Variants in ASIC1 observed in about 807,000 individuals in gnomAD.
ASIC1 encodes acid sensing ion channel subunit 1, also known as acid-sensing ion channel 1.
Under a neutral mutation model 63.4 loss-of-function variants are expected in ASIC1, and 21 were observed. The ratio of observed to expected loss-of-function variants is 0.33; its 90% confidence interval spans 0.23 to 0.48. The LOEUF (loss-of-function observed/expected upper bound fraction) is 0.48. Ranked by LOEUF, ASIC1 falls within the 20% of genes least tolerant of loss-of-function variation. The pLI is 0.99. For synonymous variants in ASIC1, 258 were observed against 278.2 expected, an observed-to-expected ratio of 0.93 and a Z score of 0.72; for missense variants, 478 against 695.5, an observed-to-expected ratio of 0.69 and a Z score of 3.52.
rs531036177 is a variant in ASIC1 at position 50,081,223 on chromosome 12, G to C, written c.1378-37G>C. ...CCCGGCACGGGGCCACGTGGGGGCG[G>C]GGTCCAGCCCGCCCACCTGCCCCGT... On this transcript the variant is annotated intron_variant, in intron 10 of 11. Coordinates refer to ENST00000447966, the MANE Select transcript of ASIC1 (RefSeq NM_001095.4). The C allele has an allele frequency of 1.1e-5, 18 of 1,605,522 alleles. No homozygotes were observed. In the South Asian group the frequency reaches 1.8e-4, roughly 16 times the overall value.
At chr12:50,073,880 C>A in intron 3 of ASIC1, 1 of 1,533,352 alleles carries the variant, frequency 6.5e-7, no homozygotes, top group Non-Finnish European at 8.7e-7. Flanking sequence ...TTTGTCCTGG[C>A]ACTGGGTGCC....
intron 11 of ASIC1, 79 bp downstream of exon 11, chr12:50,081,443 C>CCCCCCAG: frequency 6.9e-7 from 1 of 1,453,534 alleles, no homozygotes; most frequent in Non-Finnish European, 9.4e-7. Context: ...CCCGCCCACC[C>CCCCCCAG]GCCTCTGCCA....
At chr12:50,071,904 G>A (rs985096714) in intron 3 of ASIC1, among the ~76,000 whole-genome samples, 6 of 152,216 alleles carry the variant, frequency 3.9e-5, no homozygotes, top group African/African-American at 1.4e-4. Flanking sequence ...CCAGTTGAGA[G>A]GCTGTTGTTT....
At chr12:50,060,027 G>C (rs973225553) in intron 3 of ASIC1, 73 bp downstream of exon 3, 27 of 1,542,556 alleles carry the variant, frequency 1.8e-5, no homozygotes, top group Non-Finnish European at 2.4e-5. Flanking sequence ...AGCAGGCTGG[G>C]CCTCTCCGGG....
intron 4 of ASIC1, 74 bp downstream of exon 4, chr12:50,077,437 A>C: frequency 6.3e-7 from 1 of 1,590,424 alleles, no homozygotes; most frequent in Non-Finnish European, 8.6e-7. Flanking sequence ...CCTGGGCTTC[A>C]CTGTGAGACC....
chr12:50,076,126 A>C (rs1418493629), intron 3 of ASIC1, among the ~76,000 whole-genome samples: 1 of 152,128 alleles, frequency 6.6e-6, no homozygotes, highest in Non-Finnish European at 1.5e-5. Context: ...ATAATGGGAT[A>C]ATGGAATAAT....
Position 50,057,784 on chromosome 12 carries a change from T to C in ASIC1, c.-149T>C, listed in dbSNP as rs1295628305. The C allele has an allele frequency of 6.7e-6, 1 of 149,476 alleles. No individual in the cohort carries two copies. Among genetic ancestry groups the C allele is most frequent in the Non-Finnish European group, 1.5e-5 (1 of 67,060 alleles). The allele number at this position is 149,476 out of a possible 1,614,324, so 9.3% of individuals were successfully genotyped here. On this transcript the variant is annotated 5_prime_UTR_variant, in exon 1 of 12. Transcript: ENST00000447966. This position sits in a 1 kb window ranked among gnomAD's most constrained non-coding sequence, Gnocchi z 4.7. ...GGGCGGGGCGCTCCCTGCAGGGCTC[T>C]GCGCGGCGTGCCGCGGCGGCCGCGG...
intron 4 of ASIC1, 125 bp downstream of exon 4, chr12:50,077,488 A>C: frequency 4.3e-5 from 58 of 1,344,252 alleles, no homozygotes; most frequent in Non-Finnish European, 5.2e-5. Context: ...CCAGCATCTC[A>C]CCATCTCTAT....
intron 3 of ASIC1, among the ~76,000 whole-genome samples, chr12:50,064,094 C>T (rs1950524637): frequency 6.6e-6 from 1 of 152,054 alleles, no homozygotes; most frequent in African/African-American, 2.4e-5. Context: ...GGGGAACATG[C>T]ACAGATTGCA....
chr12:50,078,610 G>A lies in ASIC1; in HGVS notation c.994+33G>A, dbSNP rs747962553. The A allele has an allele frequency of 5.0e-6, 8 of 1,612,424 alleles. No homozygotes were observed. In the South Asian group the frequency reaches 7.7e-5, roughly 15 times the overall value. On this transcript the variant is annotated intron_variant, in intron 6 of 11. Coordinates refer to ENST00000447966, the MANE Select transcript of ASIC1 (RefSeq NM_001095.4). The surrounding 1 kb of genome is among the most constrained non-coding windows in gnomAD (Gnocchi z 6.0). ...CTGGGGCTCCGAGCATACTCCTGGG[G>A]TCCCTGGGCCTTTGCTGCCCTTCAC...
Position 50,077,504 on chromosome 12 carries a change from A to T in ASIC1, c.709+141A>T, listed in dbSNP as rs566021681. 9 of 1,209,668 alleles carry T rather than the reference A, an allele frequency of 7.4e-6. No individual in the cohort carries two copies. In the South Asian group the frequency reaches 1.4e-4, roughly 19 times the overall value. The allele number at this position is 1,209,668 out of a possible 1,614,324, so 74.9% of individuals were successfully genotyped here. On this transcript the variant is annotated intron_variant, in intron 4 of 11. Transcript: ENST00000447966. ...CAGCATCTCACCATCTCTATCACTG[A>T]CTCTACCTGACTTCCACACTCACAT...
chr12:50,081,188 G>A lies in ASIC1; in HGVS notation c.1377+7G>A, dbSNP rs765241275. The A allele has an allele frequency of 3.0e-5, 49 of 1,610,252 alleles. No homozygotes were observed. The highest frequency in any genetic ancestry group is 4.1e-5 in the Non-Finnish European group (48 of 1,178,466). On this transcript the variant is annotated splice_region_variant and intron_variant, in intron 10 of 11. Coordinates refer to ENST00000447966, the MANE Select transcript of ASIC1 (RefSeq NM_001095.4). ...CTTTGACTACGCCTACGAGGTAAGC[G>A]GGGGCGAGGCCCGGCACGGGGCCAC...
intron 8 of ASIC1, 75 bp downstream of exon 8, chr12:50,080,130 C>A (rs192160323): frequency 2.4e-6 from 3 of 1,257,854 alleles, no homozygotes; most frequent in Non-Finnish European, 3.3e-6. Context: ...TTGATGGGGG[C>A]GGGGGCTGGC....
chr12:50,058,786 A>T lies in ASIC1; in HGVS notation c.20A>T (p.Glu7Val). 6.3e-7 allele frequency: 1 copy of T among 1,589,522 alleles called. No individual in the cohort carries two copies. The highest frequency in any genetic ancestry group is 1.1e-5 in the South Asian group (1 of 87,496). Residue 7 changes from glutamate to valine, a missense_variant, in exon 2 of 12, where the codon GAG becomes GTG. Around this residue, in one of 3 missense-constraint regions of ASIC1, gnomAD observed 290 missense variants for 414.9 expected, o/e 0.70. Coordinates refer to ENST00000447966, the MANE Select transcript of ASIC1 (RefSeq NM_001095.4). MELKAEEEEVGGVQPVS... is the reference protein window; with the variant it reads MELKAEVEEVGGVQPVS... Reference sequence around the variant, plus strand: ...ACAAGGATGGAACTGAAGGCCGAGGAGGAGGAGGTGGGTGGCGTCCAGCCG... The same window carrying T: ...ACAAGGATGGAACTGAAGGCCGAGGTGGAGGAGGTGGGTGGCGTCCAGCCG...
intron 3 of ASIC1, among the ~76,000 whole-genome samples, chr12:50,076,525 A>C (rs1950656670): frequency 6.6e-6 from 1 of 151,384 alleles, no homozygotes; most frequent in African/African-American, 2.4e-5. Flanking sequence ...TCCCAGAGTG[A>C]AATCTAGGAG....
intron 3 of ASIC1, among the ~76,000 whole-genome samples, chr12:50,070,211 T>C (rs551599470): frequency 1.3e-5 from 2 of 152,288 alleles, no homozygotes; most frequent in South Asian, 4.2e-4. Flanking sequence ...TGGGCACCTC[T>C]CCAGGGGCCC....
At position 50,080,169 on chromosome 12, in the gene ASIC1, G is replaced by A; in HGVS notation, c.1205+114G>A. 2.8e-6 allele frequency: 4 copies of A among 1,425,158 alleles called. 1 individual carries two copies. Among genetic ancestry groups the A allele is most frequent in the Non-Finnish European group, 3.8e-6 (4 of 1,058,604 alleles). The allele number at this position is 1,425,158 out of a possible 1,614,324, so 88.3% of individuals were successfully genotyped here. On this transcript the variant is annotated intron_variant, in intron 8 of 11. Transcript: ENST00000447966. ...CAGGGGGAACTTGAGATAACACGGGGAAGGTCCAAAAGGCAAGCAAAGAGT... is the reference window on the plus strand; with the variant it reads ...CAGGGGGAACTTGAGATAACACGGGAAAGGTCCAAAAGGCAAGCAAAGAGT...
chr12:50,078,736 C>A lies in ASIC1; in HGVS notation c.994+159C>A, dbSNP rs1950684490. ...TCTGACCTCAGTTCCCGCCTGCACC[C>A]CCAGGGATGGGTGGGAAGGGTCTAG... On this transcript the variant is annotated intron_variant, in intron 6 of 11. Coordinates refer to ENST00000447966, the MANE Select transcript of ASIC1 (RefSeq NM_001095.4). The surrounding 1 kb of genome is among the most constrained non-coding windows in gnomAD (Gnocchi z 6.0). 4.4e-6 allele frequency: 6 copies of A among 1,359,022 alleles called. No homozygotes were observed. Among genetic ancestry groups the A allele is most frequent in the Non-Finnish European group, 6.2e-6 (6 of 965,900 alleles). The allele number at this position is 1,359,022 out of a possible 1,614,324, so 84.2% of individuals were successfully genotyped here. A position where few individuals can be genotyped will look rare whatever the true frequency, so the allele number is the denominator to read the frequency against.
Position 50,081,954 on chromosome 12 carries a change from T to G in ASIC1, c.*305T>G. 1 of 387,856 alleles carries G rather than the reference T, an allele frequency of 2.6e-6. No individual in the cohort carries two copies. Among genetic ancestry groups the G allele is most frequent in the Non-Finnish European group, 4.7e-6 (1 of 211,860 alleles). The allele number at this position is 387,856 out of a possible 1,614,324, so 24.0% of individuals were successfully genotyped here. ...GCTCCCAGCCTGAATTCTGTCTATC[T>G]AGCTGTCTGCCATCTGAGTGTCCAT... On this transcript the variant is annotated 3_prime_UTR_variant, in exon 12 of 12. Coordinates refer to ENST00000447966, the MANE Select transcript of ASIC1 (RefSeq NM_001095.4).
Sources: allele counts gnomAD v4.1 joint callset (sites outside exome capture counted in the v4.1 genomes callset), GRCh38; gene constraint gnomAD v4.1.1; regional missense constraint gnomAD v4.1.1; non-coding constraint Gnocchi (gnomAD v3.1); transcripts MANE v1.5; gene names NCBI Gene and HGNC (gene_info 2026-07-23, HGNC 2026-07-21).